The following CCDC97 variants were observed in gnomAD, a reference collection of about 807,000 sequenced individuals.
CCDC97 encodes coiled-coil domain containing 97.
Under a neutral mutation model 33.9 loss-of-function variants are expected in CCDC97, and 27 were observed. The observed-to-expected ratio is 0.80, with a 90% confidence interval of 0.59 to 1.10. The LOEUF (loss-of-function observed/expected upper bound fraction) is 1.10. Ranked by LOEUF, CCDC97 falls within the 50% of genes least tolerant of loss-of-function variation. CCDC97 has a pLI of 0.00. For synonymous variants in CCDC97, 217 were observed against 194.0 expected, an observed-to-expected ratio of 1.12 and a Z score of -0.99; for missense variants, 422 against 476.6, an observed-to-expected ratio of 0.89 and a Z score of 1.07.
chr19:41,312,429 T>C (rs1018820976), intron 1 of CCDC97, among the ~76,000 whole-genome samples: 1 of 152,186 alleles, frequency 6.6e-6, no homozygotes, highest in African/African-American at 2.4e-5. Flanking sequence ...AATTAAATGC[T>C]GTTGATCCTT....
intron 2 of CCDC97, 47 bp from the exon 3 acceptor site, chr19:41,319,527 C>T (rs749566296): frequency 7.3e-7 from 1 of 1,367,100 alleles, no homozygotes; most frequent in Admixed American, 1.9e-5. Context: ...TGGACACTAT[C>T]TGCTCAGTCG....
chr19:41,319,702 G>A lies in CCDC97; in HGVS notation c.631G>A (p.Gly211Arg), dbSNP rs376212276. 9.9e-6 allele frequency: 16 copies of A among 1,613,656 alleles called. No homozygotes were observed. The highest frequency in any genetic ancestry group is 2.2e-5 in the East Asian group (1 of 44,882). Residue 211 changes from glycine (G) to arginine (R), a missense_variant, in exon 3 of 5, where the codon GGG becomes AGG. Physicochemically the swap from Gly to Arg is moderately radical, Grantham distance 125. Coordinates refer to ENST00000269967, the MANE Select transcript of CCDC97 (RefSeq NM_052848.3). Reference sequence around the variant, plus strand: ...CCCAACCCACCAGCCCCCCAAGCCCGGGTCCCCCGGGAGACCTGCTTGCCC... The same window carrying A: ...CCCAACCCACCAGCCCCCCAAGCCCAGGTCCCCCGGGAGACCTGCTTGCCC... ...RTPTHQPPKP[G>R]SPGRPACPLS... is the part of the protein sequence containing the mutation.
chr19:41,315,296 C>CAAAAAA (rs71177714), intron 1 of CCDC97, among the ~76,000 whole-genome samples: 39 of 41,700 alleles, frequency 9.4e-4, no homozygotes, highest in Admixed American at 1.4e-3. Context: ...GACTCCGTCT[C>CAAAAAA]AAAAAAAAAA....
At chr19:41,314,367 C>T (rs1445718898) in intron 1 of CCDC97, among the ~76,000 whole-genome samples, 1 of 151,988 alleles carries the variant, frequency 6.6e-6, no homozygotes, top group Non-Finnish European at 1.5e-5. Flanking sequence ...GTCTTGAAAT[C>T]CCGACCTCAG....
At chr19:41,314,127 G>A (rs979130757) in intron 1 of CCDC97, among the ~76,000 whole-genome samples, 2 of 151,954 alleles carry the variant, frequency 1.3e-5, no homozygotes, top group South Asian at 4.2e-4. Context: ...CTGACTTAGG[G>A]CCTCTCAGAG....
rs1432562253 is a variant in CCDC97, at chr19:41,310,236, G to A, written c.-75G>A. The stretch of plus-strand genomic sequence containing the variant: ...GGACCCGGAACATTCTCAGGCGAAA[G>A]TGTCTCTTGCGTGCGTGGGCCGGAG... On this transcript the variant is annotated 5_prime_UTR_variant, in exon 1 of 5. In the 5' UTR this introduces an upstream ATG that the reference lacks. Transcript: ENST00000269967. 16 of 1,545,254 alleles carry A rather than the reference G, an allele frequency of 1.0e-5. No homozygotes were observed. Among genetic ancestry groups the A allele is most frequent in the Non-Finnish European group, 1.4e-5 (16 of 1,140,904 alleles).
chr19:41,322,897 G>C lies in CCDC97; in HGVS notation c.*182G>C. On this transcript the variant is annotated 3_prime_UTR_variant, in exon 5 of 5. Coordinates refer to ENST00000269967, the MANE Select transcript of CCDC97 (RefSeq NM_052848.3). ...AACCCCCACCCCCACTGTTTCTGGG[G>C]TTCCCTTTCTCATCTCTCCCACCCT... The C allele has an allele frequency of 1.8e-6, 1 of 555,204 alleles. No individual in the cohort carries two copies. The highest frequency in any genetic ancestry group is 3.8e-5 in the Admixed American group (1 of 26,426). The allele number at this position is 555,204 out of a possible 1,614,324, so 34.4% of individuals were successfully genotyped here.
intron 1 of CCDC97, among the ~76,000 whole-genome samples, chr19:41,314,742 G>A (rs2037725270): frequency 6.6e-6 from 1 of 152,140 alleles, no homozygotes; most frequent in African/African-American, 2.4e-5. Flanking sequence ...GGTTTACACT[G>A]TAATCTCAGC....
chr19:41,313,068 G>A (rs770881312), intron 1 of CCDC97, among the ~76,000 whole-genome samples: 12 of 151,986 alleles, frequency 7.9e-5, no homozygotes, highest in Non-Finnish European at 1.6e-4. Flanking sequence ...CATTGCAACC[G>A]GCCTCTTTTT....
chr19:41,312,832 C>T (rs371371314), intron 1 of CCDC97, among the ~76,000 whole-genome samples: 5 of 152,138 alleles, frequency 3.3e-5, no homozygotes, highest in African/African-American at 1.2e-4. Flanking sequence ...GTTGACCAGG[C>T]TGGAGTACGT....
At chr19:41,314,915 T>C (rs566343680) in intron 1 of CCDC97, among the ~76,000 whole-genome samples, 8 of 152,028 alleles carry the variant, frequency 5.3e-5, no homozygotes, top group African/African-American at 1.9e-4. Context: ...GGTGGGAGGA[T>C]TGCCTGAGCT....
At chr19:41,311,911 A>C (rs1391979684) in intron 1 of CCDC97, among the ~76,000 whole-genome samples, 2 of 152,096 alleles carry the variant, frequency 1.3e-5, no homozygotes, top group Non-Finnish European at 2.9e-5. Context: ...AAAAAAGAAA[A>C]AAAATTTGTC....
chr19:41,311,898 C>CA (rs554357218), intron 1 of CCDC97, among the ~76,000 whole-genome samples: 2 of 151,520 alleles, frequency 1.3e-5, no homozygotes, highest in Non-Finnish European at 2.9e-5. Flanking sequence ...GACCCTGTTT[C>CA]AAAAAAAAGA....
intron 2 of CCDC97, among the ~76,000 whole-genome samples, chr19:41,317,720 A>AG (rs1027074524): frequency 4.6e-5 from 7 of 151,536 alleles, no homozygotes; most frequent in African/African-American, 1.7e-4. Context: ...CAAAAAAAAA[A>AG]AAAAAAAACA....
At chr19:41,311,904 AAAG>A (rs559537470) in intron 1 of CCDC97, among the ~76,000 whole-genome samples, 1 of 152,290 alleles carries the variant, frequency 6.6e-6, no homozygotes, top group African/African-American at 2.4e-5. Flanking sequence ...GTTTCAAAAA[AAAG>A]AAAAAAAATT....
chr19:41,313,806 T>C (rs932229090), intron 1 of CCDC97, among the ~76,000 whole-genome samples: 1 of 152,124 alleles, frequency 6.6e-6, no homozygotes, highest in Non-Finnish European at 1.5e-5. Context: ...TTCAAGCGAT[T>C]CTTGTGCCTC....
chr19:41,316,963 G>A (rs986990619), intron 2 of CCDC97, 124 bp downstream of exon 2: 18 of 748,258 alleles, frequency 2.4e-5, no homozygotes, highest in Non-Finnish European at 3.8e-5. Context: ...TTCTGAGACA[G>A]AGACAGGGAC....
chr19:41,313,458 C>T (rs2037710199), intron 1 of CCDC97, among the ~76,000 whole-genome samples: 1 of 152,308 alleles, frequency 6.6e-6, no homozygotes, highest in South Asian at 2.1e-4. Flanking sequence ...TGATCCTGTT[C>T]CTTCCTCCAC....
chr19:41,321,380 C>T (rs1194202150), intron 4 of CCDC97, among the ~76,000 whole-genome samples: 1 of 152,212 alleles, frequency 6.6e-6, no homozygotes, highest in Non-Finnish European at 1.5e-5. Context: ...AAGCCAGGGC[C>T]CAGGAGGAAA....
Sources: allele counts gnomAD v4.1 joint callset (sites outside exome capture counted in the v4.1 genomes callset), GRCh38; gene constraint gnomAD v4.1.1; transcripts MANE v1.5; gene names NCBI Gene and HGNC (gene_info 2026-07-23, HGNC 2026-07-21).